Variants in PARD3B observed in about 807,000 individuals in gnomAD.
PARD3B encodes par-3 family cell polarity regulator beta.
Under a neutral mutation model 130.2 loss-of-function variants are expected in PARD3B, and 103 were observed. The ratio of observed to expected loss-of-function variants is 0.79; its 90% CI spans 0.67 to 0.93. The LOEUF (loss-of-function observed/expected upper bound fraction) is 0.93. PARD3B is among the 40% of genes least tolerant of loss of function. PARD3B has a pLI of 0.00. For missense variants in PARD3B, 1,609 were observed against 1,499.2 expected (o/e 1.07, Z -1.21); for synonymous variants, 583 against 553.2 (o/e 1.05, Z -0.76).
At chr2:205,338,290 C>G (rs1292676185) in intron 18 of PARD3B, among the ~76,000 whole-genome samples, 12 of 150,466 alleles carry the variant, frequency 8.0e-5, no homozygotes. Context: ...TAATTCTAAA[C>G]TTCCCTTCCA....
intron 2 of PARD3B, among the ~76,000 whole-genome samples, chr2:204,873,873 T>C (rs2045734239): frequency 6.6e-6 from 1 of 152,164 alleles, no homozygotes; most frequent in Non-Finnish European, 1.5e-5. Flanking sequence ...CCATGTGTGG[T>C]GGCTCACACC....
intron 1 of PARD3B, among the ~76,000 whole-genome samples, chr2:204,629,973 A>G (rs573697570): frequency 2.0e-5 from 3 of 152,250 alleles, no homozygotes; most frequent in South Asian, 4.1e-4. Flanking sequence ...ATATCTCCAA[A>G]CCTGAGAATA....
At chr2:205,007,035 C>T (rs965491454) in intron 3 of PARD3B, among the ~76,000 whole-genome samples, 2 of 152,106 alleles carry the variant, frequency 1.3e-5, no homozygotes, top group Admixed American at 1.3e-4. Flanking sequence ...CCATAATCCC[C>T]ACGTGTTGAG....
At chr2:205,006,493 A>T (rs1304015040) in intron 3 of PARD3B, among the ~76,000 whole-genome samples, 1 of 152,152 alleles carries the variant, frequency 6.6e-6, no homozygotes, top group African/African-American at 2.4e-5. Flanking sequence ...CTTTTTAATA[A>T]TGGCCATTCT....
intron 5 of PARD3B, among the ~76,000 whole-genome samples, chr2:205,106,722 T>C (rs560173289): frequency 9.9e-5 from 15 of 152,146 alleles, no homozygotes; most frequent in Non-Finnish European, 1.9e-4. Flanking sequence ...TTTTATTTCA[T>C]GCTACCTGAC....
intron 21 of PARD3B, among the ~76,000 whole-genome samples, chr2:205,531,412 G>A (rs1056023252): frequency 6.6e-6 from 1 of 152,112 alleles, no homozygotes; most frequent in East Asian, 1.9e-4. Context: ...AAGAAGAATC[G>A]CCTGGGCATG....
intron 15 of PARD3B, among the ~76,000 whole-genome samples, chr2:205,195,566 A>G (rs1003624769): frequency 8.5e-5 from 13 of 152,216 alleles, no homozygotes; most frequent in Admixed American, 1.3e-4. Flanking sequence ...AATGGTAAAC[A>G]TTTGAAAGTG....
intron 22 of PARD3B, among the ~76,000 whole-genome samples, chr2:205,597,706 A>G (rs533329802): frequency 6.6e-6 from 1 of 152,302 alleles, no homozygotes; most frequent in South Asian, 2.1e-4. Context: ...CTTTATAACA[A>G]AAGCCATTCT....
chr2:205,477,496 T>G (rs2049066101), intron 20 of PARD3B, among the ~76,000 whole-genome samples: 2 of 152,152 alleles, frequency 1.3e-5, no homozygotes, highest in African/African-American at 4.8e-5. Context: ...GTGAAGAGAT[T>G]GGAGGCGTTG....
chr2:205,240,281 A>G (rs567063438), intron 15 of PARD3B, among the ~76,000 whole-genome samples: 4 of 152,210 alleles, frequency 2.6e-5, no homozygotes, highest in African/African-American at 9.6e-5. Context: ...ACAACTCTTG[A>G]AAACAAATTT....
At chr2:205,185,654 C>A in intron 13 of PARD3B, 110 bp from the exon 14 acceptor site, 1 of 768,450 alleles carries the variant, frequency 1.3e-6, no homozygotes, top group Non-Finnish European at 2.3e-6. Context: ...TATTTCAGGG[C>A]TGGTTTATGT....
chr2:204,830,313 T>C (rs2043767602), intron 2 of PARD3B, among the ~76,000 whole-genome samples: 1 of 152,176 alleles, frequency 6.6e-6, no homozygotes, highest in Non-Finnish European at 1.5e-5. Flanking sequence ...AGGCCTGCCG[T>C]TGGCCAAAAA....
chr2:204,839,603 T>A (rs1423921080), intron 2 of PARD3B, among the ~76,000 whole-genome samples: 1 of 152,184 alleles, frequency 6.6e-6, no homozygotes, highest in Non-Finnish European at 1.5e-5. Flanking sequence ...TTGTATAATC[T>A]TTCTCTTCTC....
At chr2:205,542,240 A>G (rs1168654780) in intron 21 of PARD3B, among the ~76,000 whole-genome samples, 2 of 151,244 alleles carry the variant, frequency 1.3e-5, no homozygotes, top group Non-Finnish European at 2.9e-5. Flanking sequence ...CATAAGAAGG[A>G]CAAGATAAAC....
intron 2 of PARD3B, among the ~76,000 whole-genome samples, chr2:204,772,443 C>A (rs552007133): frequency 6.6e-6 from 1 of 152,122 alleles, no homozygotes; most frequent in Admixed American, 6.6e-5. Context: ...ACATTAGGAT[C>A]CTGAACTGTA....
intron 4 of PARD3B, among the ~76,000 whole-genome samples, chr2:205,093,817 G>A (rs1204068943): frequency 6.6e-6 from 1 of 152,148 alleles, no homozygotes; most frequent in Non-Finnish European, 1.5e-5. Flanking sequence ...TGGTTTCCTT[G>A]TGTGATCAGA....
intron 2 of PARD3B, among the ~76,000 whole-genome samples, chr2:204,687,663 T>C (rs2037152731): frequency 6.6e-6 from 1 of 152,228 alleles, no homozygotes; most frequent in African/African-American, 2.4e-5. Flanking sequence ...TAATGTATTA[T>C]TAACCTTCAG....
intron 2 of PARD3B, among the ~76,000 whole-genome samples, chr2:204,842,505 A>G (rs930118678): frequency 3.9e-5 from 6 of 152,154 alleles, no homozygotes; most frequent in African/African-American, 1.2e-4. Flanking sequence ...ATAAAAGGTA[A>G]GAGGATCTGT....
chr2:205,095,362 T>C lies in PARD3B; in HGVS notation c.505-9064T>C, dbSNP rs138471698. The stretch of plus-strand genomic sequence containing the variant: ...TCCACTCTTTTCAGCACTTTTGAAA[T>C]GTGTTATTTGAATATGAGAAAGAAA... On this transcript the variant is annotated intron_variant, in intron 4 of 22. Coordinates refer to ENST00000406610, the MANE Select transcript of PARD3B (RefSeq NM_001302769.2). Among the ~76,000 whole-genome samples, 165 of 152,252 alleles carry C rather than the reference T, an allele frequency of 1.1e-3. 4 individuals are homozygous for C. The East Asian group carries it at 0.027, about 24-fold the overall frequency.
Sources: allele counts gnomAD v4.1 joint callset (sites outside exome capture counted in the v4.1 genomes callset), GRCh38; gene constraint gnomAD v4.1.1; transcripts MANE v1.5; gene names NCBI Gene and HGNC (gene_info 2026-07-23, HGNC 2026-07-21).